The following PCDH15 variants were observed in gnomAD, a reference collection of about 807,000 sequenced individuals.
The protein encoded by PCDH15 is protocadherin related 15.
PCDH15 carries 129 observed loss-of-function variants against 178.5 expected under a neutral mutation model. That is an observed-to-expected ratio of 0.72 (90% CI 0.63 to 0.84). PCDH15 has a LOEUF of 0.84. PCDH15 is among the 40% of genes least tolerant of loss of function. The pLI is 0.00. For synonymous variants in PCDH15, 800 were observed against 732.0 expected (o/e 1.09, Z -1.50); for missense variants, 2,230 against 2,099.9 (o/e 1.06, Z -1.21).
At chr10:55,532,846 G>A (rs143544721) in intron 2 of PCDH15, among the ~76,000 whole-genome samples, 1 of 152,050 alleles carries the variant, frequency 6.6e-6, no homozygotes, top group African/African-American at 2.4e-5. Context: ...AATATAAACT[G>A]GAATTCCTAT....
intron 8 of PCDH15, among the ~76,000 whole-genome samples, chr10:54,292,357 C>G (rs190239053): frequency 3.2e-4 from 49 of 152,180 alleles, no homozygotes; most frequent in Non-Finnish European, 4.9e-4. Flanking sequence ...AAACCCACAG[C>G]CAATATCATA....
chr10:55,216,326 A>G (rs928111738), intron 1 of PCDH15, among the ~76,000 whole-genome samples: 1 of 151,958 alleles, frequency 6.6e-6, no homozygotes, highest in Non-Finnish European at 1.5e-5. Context: ...TTCAATTTCA[A>G]TTATTAAATA....
chr10:55,291,926 C>CT (rs1304225724), intron 1 of PCDH15, among the ~76,000 whole-genome samples: 2 of 152,152 alleles, frequency 1.3e-5, no homozygotes, highest in Non-Finnish European at 2.9e-5. Flanking sequence ...AGCTTATTCA[C>CT]TATCACAAGA....
At chr10:54,681,068 G>A (rs976883245) in intron 1 of PCDH15, among the ~76,000 whole-genome samples, 3 of 152,126 alleles carry the variant, frequency 2.0e-5, no homozygotes, top group Non-Finnish European at 2.9e-5. Context: ...AGCCATGGAT[G>A]AGAAACAGCA....
rs151105990 is a variant in PCDH15, at chr10:55,595,709, T to C, written c.-156+31916A>G. Reference sequence around the variant, plus strand: ...TAGAGAATTCATCCTGGCGTTAAGATTATTAAAGAACCTAGAAATTCAAGT... The same window carrying C: ...TAGAGAATTCATCCTGGCGTTAAGACTATTAAAGAACCTAGAAATTCAAGT... On this transcript the variant is annotated intron_variant, in intron 2 of 5. Transcript: ENST00000613346. 6.0e-3 allele frequency among the ~76,000 whole-genome samples: 912 copies of C among 152,208 alleles called. 12 individuals carry two copies. The highest frequency in any genetic ancestry group is 0.021 in the African/African-American group (880 of 41,558).
In PCDH15 at chr10:54,436,675, A is replaced by C. The variant is rs7912546; in HGVS notation, c.158-57733T>G. Reference sequence around the variant, plus strand: ...CTGATCATCCTTAACCTACACACCAAATATGCTACAATTAAAAAGAGAAAG... The same window carrying C: ...CTGATCATCCTTAACCTACACACCACATATGCTACAATTAAAAAGAGAAAG... On this transcript the variant is annotated intron_variant, in intron 3 of 37. Transcript: ENST00000644397. Among the ~76,000 whole-genome samples the C allele has an allele frequency of 8.6e-3, 1,306 of 152,286 alleles. 23 individuals carry two copies. The highest frequency in any genetic ancestry group is 0.03 in the African/African-American group (1,241 of 41,552).
At chr10:54,860,357 G>A (rs1953817912) in intron 3 of PCDH15, among the ~76,000 whole-genome samples, 1 of 151,942 alleles carries the variant, frequency 6.6e-6, no homozygotes, top group Non-Finnish European at 1.5e-5. Context: ...TGTTCATGTG[G>A]TATACCCAAT....
intron 2 of PCDH15, among the ~76,000 whole-genome samples, chr10:55,063,236 CA>C (rs1483983184): frequency 6.6e-6 from 1 of 152,074 alleles, no homozygotes; most frequent in African/African-American, 2.4e-5. Flanking sequence ...ATACTTTCTA[CA>C]ACTTAAAAAA....
At chr10:54,210,916 G>C (rs1279599946) in intron 10 of PCDH15, among the ~76,000 whole-genome samples, 1 of 151,858 alleles carries the variant, frequency 6.6e-6, no homozygotes, top group East Asian at 1.9e-4. Context: ...TTAATTAAAG[G>C]GATTTAGATT....
intron 3 of PCDH15, among the ~76,000 whole-genome samples, chr10:54,417,725 T>C (rs143665942): frequency 8.6e-4 from 131 of 152,330 alleles, no homozygotes; most frequent in African/African-American, 3.1e-3. Flanking sequence ...GATATCTTAA[T>C]TCCTGATAAT....
At chr10:54,079,537 A>G (rs1285739057) in intron 16 of PCDH15, 113 bp from the exon 17 acceptor site, 2 of 939,494 alleles carry the variant, frequency 2.1e-6, no homozygotes. Flanking sequence ...CTCAGTAATC[A>G]CAGCTTGAGT....
intron 1 of PCDH15, among the ~76,000 whole-genome samples, chr10:54,742,793 T>G (rs182283569): frequency 2.0e-5 from 3 of 152,162 alleles, no homozygotes; most frequent in African/African-American, 7.2e-5. Flanking sequence ...GTTGGCAGCC[T>G]GGGGTGAGGG....
chr10:53,923,140 A>G (rs548607354), intron 25 of PCDH15, among the ~76,000 whole-genome samples: 5 of 152,314 alleles, frequency 3.3e-5, no homozygotes, highest in African/African-American at 1.2e-4. Context: ...TCTATTAAAC[A>G]GTCTTGATGG....
intron 2 of PCDH15, among the ~76,000 whole-genome samples, chr10:54,624,322 G>C (rs2093476325): frequency 6.6e-6 from 1 of 152,166 alleles, no homozygotes; most frequent in Non-Finnish European, 1.5e-5. Context: ...CACTTGTCTA[G>C]AGTTTAAAAG....
At chr10:54,114,679 G>A (rs564011004) in intron 15 of PCDH15, among the ~76,000 whole-genome samples, 25 of 152,100 alleles carry the variant, frequency 1.6e-4, no homozygotes, top group Non-Finnish European at 3.1e-4. Flanking sequence ...TTTATAAGGT[G>A]GGTAGGTAAG....
intron 3 of PCDH15, among the ~76,000 whole-genome samples, chr10:54,389,784 CAA>C (rs35298368): frequency 0.011 from 766 of 69,964 alleles, 4 homozygotes; most frequent in African/African-American, 0.031. Context: ...AATAAAAATA[CAA>C]AAAAAAAAAA....
At chr10:55,222,052 T>A (rs1840892790) in intron 1 of PCDH15, among the ~76,000 whole-genome samples, 1 of 150,840 alleles carries the variant, frequency 6.6e-6, no homozygotes, top group Non-Finnish European at 1.5e-5. Context: ...TTTTTTTGTA[T>A]TTTTAGTAGA....
chr10:55,538,374 TTTCC>T lies in PCDH15; in HGVS notation c.-156+89247_-156+89250del, dbSNP rs200736766. On this transcript the variant is annotated intron_variant, in intron 2 of 5. Transcript: ENST00000613346. ...TGTTCATGTTACGAATAGGAAAGCT[TTTCC>T]TTCCTTCCTTCCTTCCTTTCTTCCT... Among the ~76,000 whole-genome samples the T allele has an allele frequency of 6.1e-3, 919 of 151,172 alleles. 3 individuals are homozygous for T. Among genetic ancestry groups the T allele is most frequent in the Middle Eastern group, 0.014 (4 of 294 alleles).
chr10:55,121,907 A>C (rs1320072166), intron 2 of PCDH15, among the ~76,000 whole-genome samples: 2 of 152,170 alleles, frequency 1.3e-5, no homozygotes, highest in African/African-American at 2.4e-5. Context: ...CAGAGCTGTG[A>C]GAAATAAATG....
Sources: gnomAD v4.1 joint callset for allele counts (sites outside exome capture counted in the v4.1 genomes callset) on GRCh38, gnomAD v4.1.1 for gene constraint, MANE v1.5 for transcripts, NCBI Gene and HGNC (gene_info 2026-07-23, HGNC 2026-07-21) for gene names.